MEIOB: variants seen among roughly 807,000 people sequenced by gnomAD.
MEIOB encodes the protein meiosis specific with OB-fold, also known as meiosis-specific with OB domain-containing protein.
A neutral mutation model predicts 53.1 loss-of-function variants in MEIOB; 50 were observed. The observed-to-expected ratio is 0.94, with a 90% CI of 0.75 to 1.19. The LOEUF is 1.19. Among genes scored for constraint, MEIOB ranks in the 50% most tolerant of loss-of-function variants. The pLI, the probability that MEIOB is intolerant of heterozygous loss-of-function variation, is 0.00. For missense variants in MEIOB, 551 were observed against 550.8 expected (o/e 1.00, Z 0.00); for synonymous variants, 192 against 182.5 (o/e 1.05, Z -0.42).
In MEIOB at chr16:1,835,499, CTG is replaced by C. The variant is rs1189732468; in HGVS notation, c.1306-1135_1306-1134del. On this transcript the variant is annotated intron_variant, in intron 13 of 13. Coordinates refer to ENST00000325962, the MANE Select transcript of MEIOB (RefSeq NM_001163560.3). The stretch of plus-strand genomic sequence containing the variant: ...CATATCAACCACTTTAATTTCAAGA[CTG>C]AGAGAAAAAAAAGTACCAACATCAG... Among the ~76,000 whole-genome samples the C allele has an allele frequency of 2.6e-5, 4 of 151,932 alleles. No individual in the cohort carries two copies. In the East Asian group the frequency reaches 5.8e-4, roughly 22 times the overall value.
Position 1,837,486 on chromosome 16 carries a change from G to T in MEIOB, c.1305+298C>A, listed in dbSNP as rs115944821. On this transcript the variant is annotated intron_variant, in intron 13 of 13. Coordinates refer to ENST00000325962, the MANE Select transcript of MEIOB (RefSeq NM_001163560.3). Reference sequence around the variant, plus strand: ...CTACCAAGTAGCTGGGATTACAGGTGTGTACTATTGCACCCATCAGCTCTG... The same window carrying T: ...CTACCAAGTAGCTGGGATTACAGGTTTGTACTATTGCACCCATCAGCTCTG... 6.1e-3 allele frequency among the ~76,000 whole-genome samples: 924 copies of T among 152,232 alleles called. 13 individuals are homozygous for T. Among genetic ancestry groups the T allele is most frequent in the African/African-American group, 0.022 (904 of 41,536 alleles).
Position 1,841,956 on chromosome 16 carries a change from CA to C in MEIOB, c.897del (p.Asp299GlufsTer8), listed in dbSNP as rs748850240. 2 of 1,594,166 alleles carry C rather than the reference CA, an allele frequency of 1.3e-6. No homozygotes were observed. The highest frequency in any genetic ancestry group is 2.7e-5 in the African/African-American group (2 of 74,228). ...KESINLSTIV[D>X]VYTVEQLKGK... ...CCCTTTAATTGTTCAACTGTGTAGA[CA>C]TCAACTATTGTACTTACTAAAAACA... is the stretch of plus-strand genomic sequence containing the variant. On this transcript the variant is annotated frameshift_variant, in exon 11 of 14. Transcript: ENST00000325962. LOFTEE classifies it high-confidence loss of function.
chr16:1,869,251 A>G (rs577363735), intron 1 of MEIOB, among the ~76,000 whole-genome samples: 13 of 152,132 alleles, frequency 8.5e-5, no homozygotes, highest in Admixed American at 8.5e-4. Context: ...CAGCCTCCCA[A>G]ATAGCTGGGA....
In MEIOB at chr16:1,860,417, G is replaced by C; in HGVS notation, c.318C>G (p.Ser106Arg). 1 of 1,541,026 alleles carries C rather than the reference G, an allele frequency of 6.5e-7. No individual in the cohort carries two copies. The highest frequency in any genetic ancestry group is 1.7e-4 in the Middle Eastern group (1 of 5,970). Residue 106 changes from serine (S) to arginine (R), a missense_variant, in exon 5 of 14, where the codon AGC becomes AGG. Physicochemically the swap from Ser to Arg is moderately radical, Grantham distance 110 (BLOSUM62 -1). Coordinates refer to ENST00000325962, the MANE Select transcript of MEIOB (RefSeq NM_001163560.3). ...RKEIEREEKFSPATPSNCKLL... is the reference protein window; with the variant it reads ...RKEIEREEKFRPATPSNCKLL... ...CAGATGCTTACCTAGGAGTTGCAGG[G>C]CTGAATTTTTCTTCTCTTTCTATTT...
chr16:1,871,193 A>G (rs1393808590), intron 1 of MEIOB, among the ~76,000 whole-genome samples: 1 of 143,238 alleles, frequency 7.0e-6, no homozygotes, highest in Non-Finnish European at 1.5e-5. Flanking sequence ...TCATTCAACA[A>G]CTACTGTCTC....
chr16:1,847,464 AAAAC>A (rs1432752253), intron 9 of MEIOB, among the ~76,000 whole-genome samples: 1 of 151,862 alleles, frequency 6.6e-6, no homozygotes, highest in East Asian at 1.9e-4. Flanking sequence ...TCCATCTCAA[AAAAC>A]AAACAAACAA....
chr16:1,835,440 TAACC>T (rs1898717350), intron 13 of MEIOB, among the ~76,000 whole-genome samples: 1 of 152,194 alleles, frequency 6.6e-6, no homozygotes, highest in Non-Finnish European at 1.5e-5. Flanking sequence ...TACAGCACTT[TAACC>T]AACATTTTAT....
chr16:1,863,128 G>C (rs1039492003), intron 3 of MEIOB, among the ~76,000 whole-genome samples: 1 of 151,934 alleles, frequency 6.6e-6, no homozygotes, highest in Non-Finnish European at 1.5e-5. Context: ...AGGCTGAGGA[G>C]GAAAGGTTGC....
chr16:1,850,314 C>T (rs1899134079), intron 9 of MEIOB, among the ~76,000 whole-genome samples: 1 of 152,194 alleles, frequency 6.6e-6, no homozygotes, highest in South Asian at 2.1e-4. Context: ...CGTGGTGGCT[C>T]ATGCCTGTAA....
intron 3 of MEIOB, 25 bp downstream of exon 3, chr16:1,865,753 A>G (rs979939243): frequency 5.2e-6 from 8 of 1,524,744 alleles, no homozygotes; most frequent in Non-Finnish European, 6.2e-6. Flanking sequence ...TGAAAAATGA[A>G]ACCAAGAGTT....
At chr16:1,842,623 C>CAAAAAA (rs202147878) in intron 10 of MEIOB, among the ~76,000 whole-genome samples, 14 of 97,768 alleles carry the variant, frequency 1.4e-4, no homozygotes, top group Admixed American at 1.9e-4. Context: ...AACTCCATCT[C>CAAAAAA]AAAAAGACAG....
chr16:1,847,261 A>C (rs1371181257), intron 9 of MEIOB, among the ~76,000 whole-genome samples: 3 of 152,056 alleles, frequency 2.0e-5, no homozygotes, highest in African/African-American at 4.8e-5. Flanking sequence ...CAGGAGTTCA[A>C]GACCAGGCTG....
intron 9 of MEIOB, among the ~76,000 whole-genome samples, chr16:1,852,702 C>T (rs958452532): frequency 1.3e-5 from 2 of 151,834 alleles, no homozygotes; most frequent in Non-Finnish European, 2.9e-5. Flanking sequence ...ATTACAGGCG[C>T]CCACCACCAA....
chr16:1,865,974 C>A (rs1899584441), intron 2 of MEIOB, 139 bp from the exon 3 acceptor site: 2 of 600,518 alleles, frequency 3.3e-6, no homozygotes, highest in African/African-American at 1.9e-5. Flanking sequence ...TTATTCCAGG[C>A]AAACATCTAA....
intron 9 of MEIOB, 87 bp from the exon 10 acceptor site, chr16:1,845,050 A>G (rs957392767): frequency 1.1e-5 from 7 of 639,020 alleles, no homozygotes; most frequent in Non-Finnish European, 1.9e-5. Flanking sequence ...TTTAATAGTA[A>G]AAAGTGAAGA....
chr16:1,843,530 C>G (rs1464752164), intron 10 of MEIOB: 1 of 151,774 alleles, frequency 6.6e-6, no homozygotes, highest in Non-Finnish European at 1.5e-5. Context: ...AAAACCCTGT[C>G]TCTACTAAAA....
At chr16:1,865,526 C>T (rs1329921358) in intron 3 of MEIOB, among the ~76,000 whole-genome samples, 1 of 150,026 alleles carries the variant, frequency 6.7e-6, no homozygotes, top group African/African-American at 2.5e-5. Flanking sequence ...CACATACACA[C>T]GTGTGTGTAT....
chr16:1,859,875 T>A (rs1899401122), intron 5 of MEIOB, among the ~76,000 whole-genome samples: 1 of 152,166 alleles, frequency 6.6e-6, no homozygotes, highest in Non-Finnish European at 1.5e-5. Context: ...GCCAGGGCAC[T>A]GCTCTAAGGG....
chr16:1,862,104 T>C lies in MEIOB; in HGVS notation c.140A>G (p.Glu47Gly). 1 of 1,550,842 alleles carries C rather than the reference T, an allele frequency of 6.4e-7. No individual in the cohort carries two copies. The highest frequency in any genetic ancestry group is 2.4e-5 in the East Asian group (1 of 40,898). Residue 47 changes from glutamate to glycine, a missense_variant, in exon 4 of 14, where the codon GAA (glutamate) becomes GGA (glycine). Glu to Gly is a moderately conservative substitution (Grantham distance 98). Transcript: ENST00000325962. ...GFPDRKNIGS[E>G]RYTFSFTIRD... ...AATGGTGAAGCTGAAAGTGTACCTT[T>C]CTGATCCAATATCTAAGGGAAAACC...
Sources: gnomAD v4.1 joint callset for allele counts (sites outside exome capture counted in the v4.1 genomes callset) on GRCh38, gnomAD v4.1.1 for gene constraint, MANE v1.5 for transcripts, NCBI Gene and HGNC (gene_info 2026-07-23, HGNC 2026-07-21) for gene names.